The following GATAD2B variants were observed in gnomAD, a reference collection of about 807,000 sequenced individuals.
GATAD2B encodes GATA zinc finger domain containing 2B, also known as transcriptional repressor p66-beta.
A neutral mutation model predicts 64.3 loss-of-function variants in GATAD2B; 8 were observed. The observed-to-expected ratio is 0.12, with a 90% CI of 0.07 to 0.22. The LOEUF is 0.22. Ranked by LOEUF, GATAD2B falls within the 10% of genes least tolerant of loss-of-function variation. The probability of loss-of-function intolerance (pLI) is 1.00; values close to 1 mark genes in which losing one functional copy is unlikely to be tolerated. For missense variants in GATAD2B, 453 were observed against 752.0 expected (o/e 0.60, Z 4.65); for synonymous variants, 281 against 271.3 (o/e 1.04, Z -0.35).
At chr1:153,869,823 C>T (rs1676602320) in intron 1 of GATAD2B, among the ~76,000 whole-genome samples, 1 of 152,056 alleles carries the variant, frequency 6.6e-6, no homozygotes, top group Admixed American at 6.6e-5. Flanking sequence ...CTTGAAGATC[C>T]CTCATCAGAA....
At chr1:153,868,384 A>C (rs898070961) in intron 1 of GATAD2B, among the ~76,000 whole-genome samples, 4 of 151,472 alleles carry the variant, frequency 2.6e-5, no homozygotes, top group African/African-American at 9.7e-5. Flanking sequence ...GTCTGGCTTA[A>C]TAGCAGACAG....
chr1:153,821,136 T>C (rs1189800573), intron 2 of GATAD2B, among the ~76,000 whole-genome samples: 1 of 151,790 alleles, frequency 6.6e-6, no homozygotes, highest in Non-Finnish European at 1.5e-5. Context: ...TGCACACCAC[T>C]GTGCCTGGCT....
chr1:153,851,153 A>T (rs897496551), intron 1 of GATAD2B, among the ~76,000 whole-genome samples: 1 of 151,972 alleles, frequency 6.6e-6, no homozygotes, highest in African/African-American at 2.4e-5. Flanking sequence ...GACTCTGTCA[A>T]CCTATGAATC....
intron 1 of GATAD2B, among the ~76,000 whole-genome samples, chr1:153,909,532 T>C (rs1354874733): frequency 6.6e-6 from 1 of 151,552 alleles, no homozygotes; most frequent in Non-Finnish European, 1.5e-5. Context: ...CCAGGCACGA[T>C]GGCTCATGCC....
Position 153,867,712 on chromosome 1 carries a change from A to T in GATAD2B, c.-1-39364T>A, listed in dbSNP as rs568647437. Among the ~76,000 whole-genome samples, 8 of 151,388 alleles carry T rather than the reference A, an allele frequency of 5.3e-5. No homozygotes were observed. In the South Asian group the frequency reaches 1.7e-3, roughly 32 times the overall value. On this transcript the variant is annotated intron_variant, in intron 1 of 10. Coordinates refer to ENST00000368655, the MANE Select transcript of GATAD2B (RefSeq NM_020699.4). ...CTGTTTCTACTAAAAATATAAATACAAGCCGGGCATGGTGGTGAGCATCTG... is the reference window on the plus strand; with the variant it reads ...CTGTTTCTACTAAAAATATAAATACTAGCCGGGCATGGTGGTGAGCATCTG...
At chr1:153,862,041 G>C (rs892301777) in intron 1 of GATAD2B, among the ~76,000 whole-genome samples, 1 of 148,036 alleles carries the variant, frequency 6.8e-6, no homozygotes, top group Non-Finnish European at 1.5e-5. Flanking sequence ...TGCTAAAAGA[G>C]TACCTGCTCA....
At chr1:153,897,976 T>A (rs1220665552) in intron 1 of GATAD2B, among the ~76,000 whole-genome samples, 2 of 131,340 alleles carry the variant, frequency 1.5e-5, no homozygotes, top group East Asian at 2.2e-4. Context: ...TGAGACCCTG[T>A]CTCAAAAAAC....
Position 153,806,677 on chromosome 1 carries a change from A to G in GATAD2B, c.*3500T>C, listed in dbSNP as rs1674122238. The G allele has an allele frequency of 6.6e-6, 1 of 151,202 alleles. No individual in the cohort carries two copies. Among genetic ancestry groups the G allele is most frequent in the Non-Finnish European group, 1.5e-5 (1 of 67,830 alleles). 9.4% of individuals were successfully genotyped at this position (151,202 alleles called of 1,614,324 possible). A position where few individuals can be genotyped will look rare whatever the true frequency, so the allele number is the denominator to read the frequency against. On this transcript the variant is annotated 3_prime_UTR_variant, in exon 11 of 11. Transcript: ENST00000368655. ...ATGGATCAAGAAATAGCTTATATAC[A>G]TGAACGAGTCCTTGTTATAACATCT...
At position 153,840,487 on chromosome 1, in the gene GATAD2B, G is replaced by A. The variant is rs192413582; in HGVS notation, c.-1-12139C>T. Among the ~76,000 whole-genome samples the A allele has an allele frequency of 2.2e-4, 33 of 151,800 alleles. 1 individual carries two copies. Among genetic ancestry groups the A allele is most frequent in the African/African-American group, 7.7e-4 (32 of 41,380 alleles). On this transcript the variant is annotated intron_variant, in intron 1 of 10. Coordinates refer to ENST00000368655, the MANE Select transcript of GATAD2B (RefSeq NM_020699.4). ...CGAGTAGCTAGGATTACAGGCATGC[G>A]CCACCACGCCTAGCTAATTTTGTAT... is the stretch of plus-strand genomic sequence containing the variant.
chr1:153,859,578 G>A (rs1425383317), intron 1 of GATAD2B, among the ~76,000 whole-genome samples: 6 of 151,144 alleles, frequency 4.0e-5, no homozygotes, highest in Non-Finnish European at 5.9e-5. Flanking sequence ...GCTGAGACAG[G>A]AGAATCGCTT....
intron 1 of GATAD2B, among the ~76,000 whole-genome samples, chr1:153,904,703 A>C (rs1677873733): frequency 1.3e-5 from 2 of 151,354 alleles, no homozygotes; most frequent in Admixed American, 1.3e-4. Flanking sequence ...CACCAGGCCC[A>C]GCTAATTTTT....
At chr1:153,918,437 T>A (rs1264932159) in intron 1 of GATAD2B, among the ~76,000 whole-genome samples, 1 of 152,204 alleles carries the variant, frequency 6.6e-6, no homozygotes, top group African/African-American at 2.4e-5. Context: ...GGGCAAGAGA[T>A]GCACAAGTCT....
At chr1:153,813,150 C>G (rs1389801291) in intron 8 of GATAD2B, 100 bp downstream of exon 8, 1 of 828,278 alleles carries the variant, frequency 1.2e-6, no homozygotes, top group African/African-American at 1.7e-5. Context: ...AACCTGTGGA[C>G]CTGTAGGGAT....
In GATAD2B at chr1:153,908,781, G is replaced by GAAAAAA. The variant is rs1557832980; in HGVS notation, c.-2+13951_-2+13952insTTTTTT. ...CCGCACCTGGCCTAGAAACATACTTGGAAAAAAAAAAAAAAAAAAAAGAAA... is the reference window on the plus strand; with the variant it reads ...CCGCACCTGGCCTAGAAACATACTTGAAAAAAGAAAAAAAAAAAAAAAAAAAAGAAA... On this transcript the variant is annotated intron_variant, in intron 1 of 10. Transcript: ENST00000368655. Among the ~76,000 whole-genome samples the GAAAAAA allele has an allele frequency of 2.1e-4, 6 of 29,174 alleles. 1 individual carries two copies. Among genetic ancestry groups the GAAAAAA allele is most frequent in the Admixed American group, 5.4e-4 (1 of 1,842 alleles). 19.1% of individuals were successfully genotyped at this position (29,174 alleles called of 152,430 possible).
chr1:153,884,226 G>A (rs902086184), intron 1 of GATAD2B, among the ~76,000 whole-genome samples: 3 of 152,166 alleles, frequency 2.0e-5, no homozygotes, highest in Non-Finnish European at 4.4e-5. Context: ...AGATCACGAG[G>A]TCAGGAGATC....
rs550779896 is a variant in GATAD2B at position 153,893,428 on chromosome 1, G to A, written c.-2+29305C>T. On this transcript the variant is annotated intron_variant, in intron 1 of 10. Coordinates refer to ENST00000368655, the MANE Select transcript of GATAD2B (RefSeq NM_020699.4). ...TTCACACCAGCCTGGGTGACATGCC[G>A]AAACCCAGTCTCTACAAAAAAAGAC... Among the ~76,000 whole-genome samples, 16 of 151,740 alleles carry A rather than the reference G, an allele frequency of 1.1e-4. 1 individual carries two copies. In the South Asian group the frequency reaches 1.2e-3, roughly 12 times the overall value.
rs911187559 is a variant in GATAD2B at position 153,808,047 on chromosome 1, T to G, written c.*2130A>C. 2 of 152,078 alleles carry G rather than the reference T, an allele frequency of 1.3e-5. No individual in the cohort carries two copies. Among genetic ancestry groups the G allele is most frequent in the African/African-American group, 4.8e-5 (2 of 41,376 alleles). The allele number at this position is 152,078 out of a possible 1,614,324, so 9.4% of individuals were successfully genotyped here. A position where few individuals can be genotyped will look rare whatever the true frequency, so the allele number is the denominator to read the frequency against. ...AAGCACAGAGGGCAAAGAAAAGATG[T>G]AAGAATATATCTTTATATATATATA... On this transcript the variant is annotated 3_prime_UTR_variant, in exon 11 of 11. Coordinates refer to ENST00000368655, the MANE Select transcript of GATAD2B (RefSeq NM_020699.4).
chr1:153,914,278 G>A (rs1219638381), intron 1 of GATAD2B, among the ~76,000 whole-genome samples: 1 of 145,300 alleles, frequency 6.9e-6, no homozygotes, highest in Non-Finnish European at 1.5e-5. Flanking sequence ...CTCAACTTGT[G>A]TAAACACATA....
At chr1:153,842,659 T>TGTAC (rs1203538961) in intron 1 of GATAD2B, among the ~76,000 whole-genome samples, 4 of 152,048 alleles carry the variant, frequency 2.6e-5, no homozygotes, top group Non-Finnish European at 5.9e-5. Flanking sequence ...TATGTATGTA[T>TGTAC]GTATGTATGT....
Sources: allele counts gnomAD v4.1 joint callset (sites outside exome capture counted in the v4.1 genomes callset), GRCh38; gene constraint gnomAD v4.1.1; transcripts MANE v1.5; gene names NCBI Gene and HGNC (gene_info 2026-07-23, HGNC 2026-07-21).